EVI5: variants seen among roughly 807,000 people sequenced by gnomAD.
EVI5 encodes ecotropic viral integration site 5.
EVI5 carries 73 observed loss-of-function variants against 112.0 expected under a neutral mutation model. The ratio of observed to expected loss-of-function variants is 0.65; its 90% CI spans 0.54 to 0.79. EVI5 has a LOEUF of 0.79. Ranked by LOEUF, EVI5 falls within the 30% of genes least tolerant of loss-of-function variation. The pLI is 0.00. For missense variants in EVI5, 900 were observed against 968.8 expected (o/e 0.93, Z 0.94); for synonymous variants, 305 against 319.9 (o/e 0.95, Z 0.50).
At chr1:92,623,175 A>G (rs1654948649) in intron 16 of EVI5, among the ~76,000 whole-genome samples, 1 of 152,210 alleles carries the variant, frequency 6.6e-6, no homozygotes, top group Admixed American at 6.5e-5. Flanking sequence ...CATAATCTCA[A>G]TAGTACCTCT....
chr1:92,761,366 G>A (rs1477925306), intron 1 of EVI5, among the ~76,000 whole-genome samples: 1 of 152,026 alleles, frequency 6.6e-6, no homozygotes, highest in African/African-American at 2.4e-5. Flanking sequence ...CTAAGTATTT[G>A]TAACGCCAAA....
chr1:92,619,574 A>G (rs537085717), intron 16 of EVI5, among the ~76,000 whole-genome samples: 1 of 152,110 alleles, frequency 6.6e-6, no homozygotes, highest in East Asian at 1.9e-4. Context: ...GGTGAAAAAC[A>G]TAAAATTAGA....
At chr1:92,537,933 T>C (rs946951754) in intron 19 of EVI5, among the ~76,000 whole-genome samples, 2 of 152,086 alleles carry the variant, frequency 1.3e-5, no homozygotes, top group East Asian at 3.8e-4. Flanking sequence ...TAAAACTGTA[T>C]ATAATGCAAT....
chr1:92,524,332 G>A (rs769800039), intron 19 of EVI5, among the ~76,000 whole-genome samples: 1 of 152,024 alleles, frequency 6.6e-6, no homozygotes, highest in East Asian at 1.9e-4. Flanking sequence ...TCTGATAAGG[G>A]TAAATAAATT....
intron 2 of EVI5, among the ~76,000 whole-genome samples, chr1:92,713,546 C>G (rs1331056976): frequency 1.3e-5 from 2 of 152,026 alleles, no homozygotes; most frequent in Non-Finnish European, 2.9e-5. Context: ...GAGGCTGAAA[C>G]GGGCCAATCG....
At chr1:92,635,197 T>C (rs1355791312) in intron 14 of EVI5, among the ~76,000 whole-genome samples, 1 of 152,190 alleles carries the variant, frequency 6.6e-6, no homozygotes, top group Non-Finnish European at 1.5e-5. Context: ...ACCACTACTC[T>C]CTTCAAAGCT....
At chr1:92,613,483 G>T (rs1331537061) in intron 16 of EVI5, among the ~76,000 whole-genome samples, 3 of 152,134 alleles carry the variant, frequency 2.0e-5, no homozygotes, top group African/African-American at 7.2e-5. Flanking sequence ...ATTTTTAGTA[G>T]AGATGGGGTT....
rs112119530 is a variant in EVI5, at chr1:92,557,512, T to C, written c.2166+6130A>G. 2.7e-4 allele frequency among the ~76,000 whole-genome samples: 41 copies of C among 152,160 alleles called. 1 individual carries two copies. Among genetic ancestry groups the C allele is most frequent in the African/African-American group, 9.9e-4 (41 of 41,520 alleles). On this transcript the variant is annotated intron_variant, in intron 19 of 19. Coordinates refer to ENST00000684568, the MANE Select transcript of EVI5 (RefSeq NM_001350197.2). ...CGGGGTTTAGCCATGTTGGCCAGGC[T>C]AGTCTCAAACTCCTGACCTTAGATG...
At chr1:92,749,645 A>T (rs1031733735) in intron 1 of EVI5, among the ~76,000 whole-genome samples, 10 of 152,066 alleles carry the variant, frequency 6.6e-5, no homozygotes, top group Non-Finnish European at 1.3e-4. Flanking sequence ...GTTAAGCAGG[A>T]GAGTACTAAC....
intron 18 of EVI5, among the ~76,000 whole-genome samples, chr1:92,564,681 GAT>G (rs1491307246): frequency 1.0e-5 from 1 of 97,512 alleles, no homozygotes; most frequent in Non-Finnish European, 1.9e-5. Context: ...TTCAGATAAA[GAT>G]TTTTTTTTTT....
chr1:92,519,418 AT>A (rs1357377664), intron 19 of EVI5, among the ~76,000 whole-genome samples: 4 of 152,198 alleles, frequency 2.6e-5, no homozygotes, highest in Non-Finnish European at 4.4e-5. Context: ...ATAAAAGGAG[AT>A]TTCGTGACAC....
chr1:92,663,745 TG>T (rs1207026389), intron 11 of EVI5, among the ~76,000 whole-genome samples: 3 of 152,208 alleles, frequency 2.0e-5, no homozygotes, highest in East Asian at 3.8e-4. Flanking sequence ...TTGTTTGTTT[TG>T]TTTTTTTAAA....
At chr1:92,759,864 C>A (rs916098387) in intron 1 of EVI5, among the ~76,000 whole-genome samples, 1 of 142,742 alleles carries the variant, frequency 7.0e-6, no homozygotes, top group African/African-American at 2.5e-5. Flanking sequence ...TACCCTCCCC[C>A]CCACATACAT....
intron 14 of EVI5, 110 bp downstream of exon 14, chr1:92,636,092 G>A (rs1319515234): frequency 1.2e-6 from 1 of 845,646 alleles, no homozygotes; most frequent in Non-Finnish European, 1.8e-6. Flanking sequence ...AATATGTAAG[G>A]CTTCTAATGT....
intron 1 of EVI5, among the ~76,000 whole-genome samples, chr1:92,754,819 C>T (rs778922426): frequency 5.9e-5 from 9 of 152,082 alleles, no homozygotes; most frequent in Admixed American, 3.9e-4. Context: ...GGGAAGAAAG[C>T]GCATAACAGC....
chr1:92,674,464 T>C (rs1666385893), intron 10 of EVI5, among the ~76,000 whole-genome samples: 1 of 152,072 alleles, frequency 6.6e-6, no homozygotes, highest in Non-Finnish European at 1.5e-5. Context: ...ATGTTCTTGC[T>C]CATAAGCAGG....
At chr1:92,520,611 G>A (rs1660741317) in intron 19 of EVI5, among the ~76,000 whole-genome samples, 1 of 152,128 alleles carries the variant, frequency 6.6e-6, no homozygotes, top group Admixed American at 6.5e-5. Flanking sequence ...AGCACTTTGG[G>A]AGGCTAAGGC....
At chr1:92,649,617 A>G (rs1393899805) in intron 13 of EVI5, among the ~76,000 whole-genome samples, 1 of 152,164 alleles carries the variant, frequency 6.6e-6, no homozygotes, top group African/African-American at 2.4e-5. Context: ...GCTTGAGGCC[A>G]GCCTGGGCAA....
At chr1:92,552,929 C>T (rs1667161339) in intron 19 of EVI5, among the ~76,000 whole-genome samples, 1 of 151,628 alleles carries the variant, frequency 6.6e-6, no homozygotes, top group African/African-American at 2.4e-5. Flanking sequence ...TTAATTAACC[C>T]CAGTTTCTTA....
Sources: allele counts gnomAD v4.1 joint callset (sites outside exome capture counted in the v4.1 genomes callset), GRCh38; gene constraint gnomAD v4.1.1; transcripts MANE v1.5; gene names NCBI Gene and HGNC (gene_info 2026-07-23, HGNC 2026-07-21).